Variants in RBFOX1 observed in about 807,000 individuals in gnomAD.
RBFOX1 encodes the protein RNA binding fox-1 homolog 1.
A neutral mutation model predicts 57.7 loss-of-function variants in RBFOX1; 8 were observed. The observed-to-expected ratio is 0.14, with a 90% confidence interval of 0.08 to 0.25. RBFOX1 has a LOEUF of 0.25. RBFOX1 is among the 10% of genes least tolerant of loss of function. RBFOX1 has a pLI of 1.00. For synonymous variants in RBFOX1, 326 were observed against 222.4 expected (o/e 1.47, Z -4.15); for missense variants, 611 against 548.5 (o/e 1.11, Z -1.14).
chr16:5,508,672 T>G (rs2043464584), intron 2 of RBFOX1, among the ~76,000 whole-genome samples: 1 of 149,684 alleles, frequency 6.7e-6, no homozygotes, highest in South Asian at 2.1e-4. Flanking sequence ...CCCAAGATGG[T>G]GGGGAGGACT....
intron 1 of RBFOX1, among the ~76,000 whole-genome samples, chr16:6,243,235 G>A (rs1259392125): frequency 6.6e-6 from 1 of 151,962 alleles, no homozygotes; most frequent in Non-Finnish European, 1.5e-5. Flanking sequence ...GAAGTGCTTT[G>A]CTTGTTCTTT....
At chr16:7,300,659 G>T (rs1044023073) in intron 4 of RBFOX1, among the ~76,000 whole-genome samples, 1 of 152,116 alleles carries the variant, frequency 6.6e-6, no homozygotes, top group African/African-American at 2.4e-5. Flanking sequence ...GCCTTGGGAA[G>T]TTATAATAAA....
At chr16:7,172,912 A>G (rs1299369025) in intron 4 of RBFOX1, among the ~76,000 whole-genome samples, 9 of 152,196 alleles carry the variant, frequency 5.9e-5, no homozygotes, top group Non-Finnish European at 1.0e-4. Flanking sequence ...CAAGGAAGAG[A>G]CTTGAATATC....
chr16:5,501,461 G>A (rs1238643657), intron 2 of RBFOX1, among the ~76,000 whole-genome samples: 2 of 152,124 alleles, frequency 1.3e-5, no homozygotes. Flanking sequence ...GGTTGGTGAG[G>A]AGTGGTGGGG....
At position 6,424,661 on chromosome 16, in the gene RBFOX1, ATGG is replaced by A. The variant is rs1372529244; in HGVS notation, c.-64+107605_-64+107607del. The stretch of plus-strand genomic sequence containing the variant: ...GGGAGATAATTATAACTTTGTAAAG[ATGG>A]ATCTACAAGGATGTTCACTGCAGCA... On this transcript the variant is annotated intron_variant, in intron 2 of 15. Coordinates refer to ENST00000550418, the MANE Select transcript of RBFOX1 (RefSeq NM_018723.4). Among the ~76,000 whole-genome samples the A allele has an allele frequency of 4.7e-3, 706 of 149,886 alleles. 28 individuals are homozygous for A. The highest frequency in any genetic ancestry group is 0.045 in the Admixed American group (671 of 14,996).
chr16:6,678,190 C>T (rs1002070656), intron 3 of RBFOX1, among the ~76,000 whole-genome samples: 2 of 152,238 alleles, frequency 1.3e-5, no homozygotes, highest in African/African-American at 2.4e-5. Flanking sequence ...GTGGCACAAT[C>T]TCGGTTCACT....
chr16:7,704,019 C>G (rs1057326665), intron 14 of RBFOX1, among the ~76,000 whole-genome samples: 1 of 152,184 alleles, frequency 6.6e-6, no homozygotes, highest in African/African-American at 2.4e-5. Flanking sequence ...TAATATTTAC[C>G]TGGCTTTCTT....
intron 3 of RBFOX1, among the ~76,000 whole-genome samples, chr16:6,993,329 A>C (rs1343129289): frequency 6.6e-6 from 1 of 152,234 alleles, no homozygotes; most frequent in African/African-American, 2.4e-5. Context: ...ATAACACATC[A>C]GTAGTATTAA....
intron 3 of RBFOX1, among the ~76,000 whole-genome samples, chr16:6,689,703 C>G (rs1356160497): frequency 1.3e-5 from 2 of 152,170 alleles, no homozygotes; most frequent in Non-Finnish European, 2.9e-5. Flanking sequence ...ACATGTCCGT[C>G]ATTCATGTTC....
chr16:6,414,201 G>A (rs1282881152), intron 2 of RBFOX1, among the ~76,000 whole-genome samples: 3 of 152,184 alleles, frequency 2.0e-5, no homozygotes, highest in Non-Finnish European at 2.9e-5. Context: ...ATTTTGTGAA[G>A]AACCTTGGAA....
In RBFOX1 at chr16:6,710,204, A is replaced by T. The variant is rs141424528; in HGVS notation, c.-16+55554A>T. Among the ~76,000 whole-genome samples, 832 of 152,254 alleles carry T rather than the reference A, an allele frequency of 5.5e-3. 5 individuals carry two copies. Among genetic ancestry groups the T allele is most frequent in the Admixed American group, 7.6e-3 (116 of 15,288 alleles). ...AATTTGGTTTAACTTCTCAAAACTG[A>T]AATGTTTGTCACTTATTTTCCTTAA... On this transcript the variant is annotated intron_variant, in intron 3 of 15. Transcript: ENST00000550418.
At chr16:6,712,649 C>T (rs572777288) in intron 3 of RBFOX1, among the ~76,000 whole-genome samples, 2 of 152,250 alleles carry the variant, frequency 1.3e-5, no homozygotes, top group African/African-American at 4.8e-5. Context: ...CCTATCATGG[C>T]GTAGGCACTC....
chr16:7,001,398 T>TGTATGTGTATA (rs2092782327), intron 3 of RBFOX1, among the ~76,000 whole-genome samples: 2 of 100,890 alleles, frequency 2.0e-5, no homozygotes, highest in African/African-American at 6.9e-5. Flanking sequence ...GTATGTGTAT[T>TGTATGTGTATA]TGTATATGTA....
At chr16:5,434,788 T>A (rs1438113373) in intron 1 of RBFOX1, among the ~76,000 whole-genome samples, 4 of 152,234 alleles carry the variant, frequency 2.6e-5, no homozygotes, top group Non-Finnish European at 2.9e-5. Context: ...CTTTGCATAG[T>A]TATATAACTA....
chr16:7,040,033 T>C (rs911388077), intron 3 of RBFOX1, among the ~76,000 whole-genome samples: 9 of 151,636 alleles, frequency 5.9e-5, no homozygotes, highest in African/African-American at 1.7e-4. Flanking sequence ...ATTATTATTA[T>C]TATTTTGAGA....
chr16:6,240,056 G>C (rs1392137359), intron 1 of RBFOX1, among the ~76,000 whole-genome samples: 5 of 152,054 alleles, frequency 3.3e-5, no homozygotes, highest in African/African-American at 1.2e-4. Context: ...GTTCTCATGA[G>C]ATCTGGTCAT....
chr16:6,122,832 A>G (rs369534907), intron 1 of RBFOX1, among the ~76,000 whole-genome samples: 7 of 105,912 alleles, frequency 6.6e-5, no homozygotes, highest in Admixed American at 1.8e-4. Context: ...GTGTGTGTGT[A>G]TAAAATATAC....
At chr16:7,047,323 T>C (rs962678121) in intron 3 of RBFOX1, among the ~76,000 whole-genome samples, 1 of 152,180 alleles carries the variant, frequency 6.6e-6, no homozygotes, top group African/African-American at 2.4e-5. Flanking sequence ...GTATTCTCAG[T>C]TGACAATTAT....
intron 3 of RBFOX1, among the ~76,000 whole-genome samples, chr16:6,863,989 CTTT>C (rs58541296): frequency 1.6e-5 from 2 of 125,316 alleles, no homozygotes; most frequent in Non-Finnish European, 1.7e-5. Flanking sequence ...CTTTATGTTC[CTTT>C]TTTTTTTTTT....
Sources: allele counts gnomAD v4.1 joint callset (sites outside exome capture counted in the v4.1 genomes callset), GRCh38; gene constraint gnomAD v4.1.1; transcripts MANE v1.5; gene names NCBI Gene and HGNC (gene_info 2026-07-23, HGNC 2026-07-21).